Variants in MINDY2 observed in about 807,000 individuals in gnomAD.
MINDY2 encodes ubiquitin carboxyl-terminal hydrolase MINDY-2.
MINDY2 carries 52 observed loss-of-function variants against 68.2 expected under a neutral mutation model. The observed-to-expected ratio is 0.76, with a 90% confidence interval of 0.61 to 0.96. The LOEUF (loss-of-function observed/expected upper bound fraction) is 0.96. Ranked by LOEUF, MINDY2 falls within the 40% of genes least tolerant of loss-of-function variation. The pLI, the probability that MINDY2 is intolerant of heterozygous loss-of-function variation, is 0.00. For synonymous variants in MINDY2, 372 were observed against 303.0 expected, an observed-to-expected ratio of 1.23 and a Z score of -2.36; for missense variants, 881 against 773.4, an observed-to-expected ratio of 1.14 and a Z score of -1.65.
At chr15:58,774,784 C>G (rs151198751) in intron 1 of MINDY2, among the ~76,000 whole-genome samples, 12 of 152,248 alleles carry the variant, frequency 7.9e-5, no homozygotes, top group African/African-American at 2.4e-4. Context: ...AGGGTTTCTT[C>G]TACTTGGAAC....
In MINDY2 at chr15:58,771,532, C is replaced by A; in HGVS notation, c.137C>A (p.Ala46Glu). 6.2e-7 allele frequency: 1 copy of A among 1,611,500 alleles called. No individual in the cohort carries two copies. Among genetic ancestry groups the A allele is most frequent in the South Asian group, 1.1e-5 (1 of 91,018 alleles). The change falls in exon 1 of 9, where the codon GCG (alanine) becomes GAG (glutamate). Residue 46 changes from alanine (A) to glutamate (E), a missense_variant. By Grantham distance (107) the Ala-to-Glu change is moderately radical (BLOSUM62 -1). Coordinates refer to ENST00000559228, the MANE Select transcript of MINDY2 (RefSeq NM_001040450.3). ...GGTGATGGTCCTGGGGTATGGGCGG[C>A]GGAGACCAGCGGCGGGAATGGGCTG... is the stretch of plus-strand genomic sequence containing the variant. ...AAGDGPGVWA[A>E]ETSGGNGLGA...
intron 4 of MINDY2, among the ~76,000 whole-genome samples, chr15:58,813,017 A>G (rs554853017): frequency 1.8e-4 from 27 of 152,210 alleles, no homozygotes; most frequent in African/African-American, 6.3e-4. Flanking sequence ...CTCCATTTCT[A>G]TAATTTTGTT....
At chr15:58,795,033 G>A (rs1435112216) in intron 2 of MINDY2, among the ~76,000 whole-genome samples, 3 of 151,920 alleles carry the variant, frequency 2.0e-5, no homozygotes, top group African/African-American at 4.8e-5. Flanking sequence ...AAAATTAGCC[G>A]GGCGTGGTGG....
rs2033137877 is a variant in MINDY2 at position 58,858,832 on chromosome 15, G to A, written c.*4222G>A. On this transcript the variant is annotated 3_prime_UTR_variant, in exon 9 of 9. Coordinates refer to ENST00000559228, the MANE Select transcript of MINDY2 (RefSeq NM_001040450.3). ...AATAGTCTACAGTTTGTATTTTAAG[G>A]AATTGGACATGAAGAATTCTAGATC... The A allele has an allele frequency of 6.6e-6, 1 of 152,016 alleles. No individual in the cohort carries two copies. Among genetic ancestry groups the A allele is most frequent in the Non-Finnish European group, 1.5e-5 (1 of 67,946 alleles). 9.4% of individuals were successfully genotyped at this position (152,016 alleles called of 1,614,324 possible).
intron 4 of MINDY2, among the ~76,000 whole-genome samples, chr15:58,820,589 C>A (rs2030996576): frequency 6.6e-6 from 1 of 152,114 alleles, no homozygotes; most frequent in East Asian, 1.9e-4. Flanking sequence ...GTATTGTAGA[C>A]TTTTTCATAA....
intron 4 of MINDY2, among the ~76,000 whole-genome samples, chr15:58,813,722 A>C (rs1407919053): frequency 6.7e-6 from 1 of 150,114 alleles, no homozygotes; most frequent in Non-Finnish European, 1.5e-5. Context: ...ACAGGCATGC[A>C]CCATTATGCC....
Position 58,791,215 on chromosome 15 carries a change from TTATATATATATATATATATATA to T in MINDY2, c.898+3272_898+3293del, listed in dbSNP as rs57998049. On this transcript the variant is annotated intron_variant, in intron 2 of 8. Transcript: ENST00000559228. Reference sequence around the variant, plus strand: ...AAAGGGAGCCATCAGGAAAGCAATTTTATATATATATATATATATATATATATATATATATATATATCTTGAG... The same window carrying T: ...AAAGGGAGCCATCAGGAAAGCAATTTTATATATATATATATATATCTTGAG... 3.6e-4 allele frequency among the ~76,000 whole-genome samples: 29 copies of T among 79,594 alleles called. 1 individual carries two copies. The highest frequency in any genetic ancestry group is 1.2e-3 in the South Asian group (3 of 2,602). The allele number at this position is 79,594 out of a possible 152,430, so 52.2% of individuals were successfully genotyped here. A position where few individuals can be genotyped will look rare whatever the true frequency, so the allele number is the denominator to read the frequency against.
intron 1 of MINDY2, among the ~76,000 whole-genome samples, chr15:58,782,276 C>A (rs1416847488): frequency 1.3e-5 from 2 of 151,994 alleles, no homozygotes; most frequent in African/African-American, 2.4e-5. Flanking sequence ...TACATATATA[C>A]ACACATGTGT....
At chr15:58,808,651 C>T (rs1412585732) in intron 3 of MINDY2, among the ~76,000 whole-genome samples, 16 of 152,252 alleles carry the variant, frequency 1.1e-4, no homozygotes, top group African/African-American at 3.8e-4. Context: ...GTCGCCCAGG[C>T]TGGAGTGCAG....
intron 1 of MINDY2, among the ~76,000 whole-genome samples, chr15:58,782,980 C>CGTG (rs1487016920): frequency 2.7e-4 from 31 of 115,204 alleles, no homozygotes; most frequent in African/African-American, 9.9e-4. Flanking sequence ...AGTGCAGTGG[C>CGTG]GTGATCTTTA....
At chr15:58,792,248 A>G (rs1373825512) in intron 2 of MINDY2, among the ~76,000 whole-genome samples, 1 of 152,250 alleles carries the variant, frequency 6.6e-6, no homozygotes, top group African/African-American at 2.4e-5. Flanking sequence ...TTACCGTATG[A>G]CCATGAAATA....
chr15:58,791,620 A>ATGTGTGTGTGTG (rs1491325995), intron 2 of MINDY2, among the ~76,000 whole-genome samples: 7 of 80,788 alleles, frequency 8.7e-5, no homozygotes, highest in Non-Finnish European at 1.0e-4. Context: ...CTGTCTCAAA[A>ATGTGTGTGTGTG]TATGTGTGTG....
At chr15:58,824,162 G>C (rs753458448) in intron 5 of MINDY2, among the ~76,000 whole-genome samples, 7 of 152,094 alleles carry the variant, frequency 4.6e-5, no homozygotes, top group Non-Finnish European at 1.0e-4. Context: ...GTAAGGGTAG[G>C]ACTTAGTACT....
intron 4 of MINDY2, among the ~76,000 whole-genome samples, chr15:58,818,044 A>C (rs1461995012): frequency 5.9e-5 from 9 of 152,376 alleles, no homozygotes; most frequent in African/African-American, 2.2e-4. Context: ...ATTCTATGGA[A>C]TACTGTACTA....
chr15:58,800,766 T>C (rs867174576), intron 2 of MINDY2, among the ~76,000 whole-genome samples: 10 of 146,016 alleles, frequency 6.8e-5, no homozygotes, highest in African/African-American at 2.5e-4. Flanking sequence ...TCTAGGGAGG[T>C]TGAGGTTGCA....
intron 1 of MINDY2, among the ~76,000 whole-genome samples, chr15:58,779,294 G>A (rs903543389): frequency 3.3e-5 from 5 of 152,190 alleles, no homozygotes; most frequent in Admixed American, 6.5e-5. Flanking sequence ...TTCAAAGTTC[G>A]AATGGACGTA....
chr15:58,804,548 C>T (rs976619372), intron 3 of MINDY2, among the ~76,000 whole-genome samples: 7 of 152,146 alleles, frequency 4.6e-5, no homozygotes, highest in Admixed American at 4.6e-4. Flanking sequence ...TGGCTCATGC[C>T]TGTAATCCCA....
intron 5 of MINDY2, among the ~76,000 whole-genome samples, chr15:58,824,714 G>A (rs1595753508): frequency 1.4e-5 from 2 of 147,824 alleles, no homozygotes. Context: ...CTGTCACCCA[G>A]GCTGGAGTGT....
At chr15:58,788,151 C>A (rs1425250553) in intron 2 of MINDY2, among the ~76,000 whole-genome samples, 188 bp downstream of exon 2, 1 of 152,084 alleles carries the variant, frequency 6.6e-6, no homozygotes, top group Non-Finnish European at 1.5e-5. Context: ...TCTTTCTGAC[C>A]AGCATTAAAA....
Sources: allele counts gnomAD v4.1 joint callset (sites outside exome capture counted in the v4.1 genomes callset), GRCh38; gene constraint gnomAD v4.1.1; transcripts MANE v1.5; gene names NCBI Gene and HGNC (gene_info 2026-07-23, HGNC 2026-07-21).